Variants in CD47 observed in about 807,000 individuals in gnomAD.
CD47 encodes the protein CD47 molecule.
In CD47, 11 loss-of-function variants were observed where a neutral mutation model predicts 44.6. That is an observed-to-expected ratio of 0.25 (90% CI 0.16 to 0.41). CD47 has a LOEUF of 0.41. Among genes scored for constraint, CD47 ranks in the 10% least tolerant of loss-of-function variants. CD47 has a pLI of 1.00. For synonymous variants in CD47, 140 were observed against 136.3 expected, an observed-to-expected ratio of 1.03 and a Z score of -0.19; for missense variants, 306 against 386.7, an observed-to-expected ratio of 0.79 and a Z score of 1.75.
chr3:108,050,172 C>T (rs191442812), intron 9 of CD47, among the ~76,000 whole-genome samples: 34 of 152,136 alleles, frequency 2.2e-4, no homozygotes, highest in East Asian at 1.2e-3. Flanking sequence ...GGCTGGAGTG[C>T]GGTGGCATGA....
intron 1 of CD47, among the ~76,000 whole-genome samples, chr3:108,083,662 A>G (rs1012416289): frequency 2.6e-5 from 4 of 152,012 alleles, no homozygotes; most frequent in Non-Finnish European, 5.9e-5. Context: ...AAAACAGAAG[A>G]ATGTCATAGT....
chr3:108,067,278 A>C (rs2079119899), intron 3 of CD47, among the ~76,000 whole-genome samples: 1 of 152,238 alleles, frequency 6.6e-6, no homozygotes, highest in Non-Finnish European at 1.5e-5. Flanking sequence ...AGTTTTTCCC[A>C]TTCATCATGA....
chr3:108,075,447 C>T (rs775195490), intron 2 of CD47, among the ~76,000 whole-genome samples: 1 of 150,710 alleles, frequency 6.6e-6, no homozygotes, highest in South Asian at 2.1e-4. Context: ...CACCAGGTTA[C>T]ACACACACAC....
Position 108,044,415 on chromosome 3 carries a change from C to CAAAAAAAAAAAAAAAAAAAAAAAAAA in CD47, c.*2847_*2872dup, listed in dbSNP as rs55777019. On this transcript the variant is annotated 3_prime_UTR_variant, in exon 11 of 11. Transcript: ENST00000361309. The stretch of plus-strand genomic sequence containing the variant: ...GGTTTTTAGAGCATGTGAAATTAGT[C>CAAAAAAAAAAAAAAAAAAAAAAAAAA]AAAAAAAAAAAAAAAAAAAAAAAAA... 1 of 34,106 alleles carries CAAAAAAAAAAAAAAAAAAAAAAAAAA rather than the reference C, an allele frequency of 2.9e-5. No homozygotes were observed. Among genetic ancestry groups the CAAAAAAAAAAAAAAAAAAAAAAAAAA allele is most frequent in the Non-Finnish European group, 6.3e-5 (1 of 15,942 alleles). The allele number at this position is 34,106 out of a possible 1,614,324, so 2.1% of individuals were successfully genotyped here. A position where few individuals can be genotyped will look rare whatever the true frequency, so the allele number is the denominator to read the frequency against.
intron 2 of CD47, 109 bp from the exon 3 acceptor site, chr3:108,071,291 C>G (rs77695486): frequency 1.8e-6 from 1 of 554,046 alleles, no homozygotes; most frequent in African/African-American, 2.0e-5. Flanking sequence ...AAAATTAAAA[C>G]TGTGGCCTTA....
chr3:108,090,758 C>G lies in CD47; in HGVS notation c.46+105G>C, dbSNP rs958296081. 6 of 1,062,828 alleles carry G rather than the reference C, an allele frequency of 5.6e-6. No homozygotes were observed. The African/African-American group carries it at 8.4e-5, about 15-fold the overall frequency. 65.8% of individuals were successfully genotyped at this position (1,062,828 alleles called of 1,614,324 possible). A position where few individuals can be genotyped will look rare whatever the true frequency, so the allele number is the denominator to read the frequency against. ...CTCAGGGCCCGAGTGTTCTGCGCCC[C>G]GGCCACCCTCTTCAGGGCGCCGCCG... On this transcript the variant is annotated intron_variant, in intron 1 of 10. Transcript: ENST00000361309.
At position 108,046,084 on chromosome 3, in the gene CD47, C is replaced by T. The variant is rs2078718510; in HGVS notation, c.*1204G>A. 6.6e-6 allele frequency: 1 copy of T among 152,336 alleles called. No homozygotes were observed. The highest frequency in any genetic ancestry group is 1.5e-5 in the Non-Finnish European group (1 of 68,054). 9.4% of individuals were successfully genotyped at this position (152,336 alleles called of 1,614,324 possible). ...CTAAAAGTACTCCAGGCGATCACAA[C>T]TGTCAGAACATTAATTTTCTTCTAA... On this transcript the variant is annotated 3_prime_UTR_variant, in exon 11 of 11. Transcript: ENST00000361309.
chr3:108,059,623 C>A, intron 4 of CD47, 79 bp from the exon 5 acceptor site: 1 of 661,496 alleles, frequency 1.5e-6, no homozygotes, highest in Non-Finnish European at 2.4e-6. Flanking sequence ...TGCTTGACAA[C>A]TGTGAAAATT....
chr3:108,048,280 G>A (rs2078753576), intron 10 of CD47, among the ~76,000 whole-genome samples: 1 of 150,954 alleles, frequency 6.6e-6, no homozygotes, highest in South Asian at 2.1e-4. Flanking sequence ...TTTAAAGGCT[G>A]TGACACAAAC....
chr3:108,083,688 C>A (rs2079460840), intron 1 of CD47, among the ~76,000 whole-genome samples: 1 of 151,924 alleles, frequency 6.6e-6, no homozygotes, highest in Non-Finnish European at 1.5e-5. Flanking sequence ...CTCCTCCGGG[C>A]CTTCAATCTT....
At position 108,043,461 on chromosome 3, in the gene CD47, G is replaced by A. The variant is rs764458338; in HGVS notation, c.*3827C>T. On this transcript the variant is annotated 3_prime_UTR_variant, in exon 11 of 11. Coordinates refer to ENST00000361309, the MANE Select transcript of CD47 (RefSeq NM_001777.4). ...ACATATAAAAAAAAAAACCTTTAACGGTAACACAGCTGTAAAACAACTTTG... is the reference window on the plus strand; with the variant it reads ...ACATATAAAAAAAAAAACCTTTAACAGTAACACAGCTGTAAAACAACTTTG... 3.3e-5 allele frequency: 5 copies of A among 151,484 alleles called. No individual in the cohort carries two copies. The highest frequency in any genetic ancestry group is 7.3e-5 in the African/African-American group (3 of 41,176). The allele number at this position is 151,484 out of a possible 1,614,324, so 9.4% of individuals were successfully genotyped here.
At chr3:108,058,079 G>A (rs767689140) in intron 6 of CD47, among the ~76,000 whole-genome samples, 2 of 152,108 alleles carry the variant, frequency 1.3e-5, no homozygotes, top group Non-Finnish European at 2.9e-5. Context: ...AGAGAGTTTG[G>A]CAGTTTATTT....
At chr3:108,089,298 T>C (rs944886338) in intron 1 of CD47, among the ~76,000 whole-genome samples, 2 of 152,138 alleles carry the variant, frequency 1.3e-5, no homozygotes, top group Admixed American at 6.5e-5. Flanking sequence ...CACATTAAAA[T>C]TGTGTGTAAA....
At chr3:108,063,895 T>C (rs1247232479) in intron 3 of CD47, among the ~76,000 whole-genome samples, 3 of 152,234 alleles carry the variant, frequency 2.0e-5, no homozygotes, top group Non-Finnish European at 4.4e-5. Flanking sequence ...ATAACCTTAG[T>C]GCTCAGCCTG....
chr3:108,067,168 C>T (rs1372386300), intron 3 of CD47, among the ~76,000 whole-genome samples: 1 of 152,208 alleles, frequency 6.6e-6, no homozygotes, highest in Non-Finnish European at 1.5e-5. Context: ...ACTAGCTTTA[C>T]TATTTTTCAT....
chr3:108,081,153 G>A (rs879803039), intron 1 of CD47, among the ~76,000 whole-genome samples: 3 of 151,948 alleles, frequency 2.0e-5, no homozygotes, highest in Non-Finnish European at 2.9e-5. Context: ...ACCAAGAGCA[G>A]TTACTGCTAA....
chr3:108,047,725 T>C (rs1001860967), intron 10 of CD47, among the ~76,000 whole-genome samples: 6 of 152,240 alleles, frequency 3.9e-5, no homozygotes, highest in African/African-American at 1.4e-4. Flanking sequence ...ACCTCATTCA[T>C]TGACAAGGCA....
rs574386616 is a variant in CD47 at position 108,084,087 on chromosome 3, A to G, written c.47-3743T>C. ...TTAAAAATTGCTTGAATATTTGCCA[A>G]CTTAAAAAAAATCCCTCATACTTTC... On this transcript the variant is annotated intron_variant, in intron 1 of 10. Coordinates refer to ENST00000361309, the MANE Select transcript of CD47 (RefSeq NM_001777.4). Among the ~76,000 whole-genome samples, 6 of 151,904 alleles carry G rather than the reference A, an allele frequency of 3.9e-5. No individual in the cohort carries two copies. In the South Asian group the frequency reaches 1.0e-3, roughly 26 times the overall value.
intron 1 of CD47, 106 bp downstream of exon 1, chr3:108,090,757 C>G (rs1378880040): frequency 1.9e-6 from 2 of 1,061,520 alleles, no homozygotes; most frequent in African/African-American, 3.4e-5. Flanking sequence ...GTTCTGCGCC[C>G]CGGCCACCCT....
Sources: gnomAD v4.1 joint callset for allele counts (sites outside exome capture counted in the v4.1 genomes callset) on GRCh38, gnomAD v4.1.1 for gene constraint, MANE v1.5 for transcripts, NCBI Gene and HGNC (gene_info 2026-07-23, HGNC 2026-07-21) for gene names.